Variants in AGBL1 observed in about 807,000 individuals in gnomAD.
The protein encoded by AGBL1 is AGBL carboxypeptidase 1.
Under a neutral mutation model 118.9 loss-of-function variants are expected in AGBL1, and 130 were observed. The observed-to-expected ratio is 1.09, with a 90% CI of 0.95 to 1.26. The LOEUF is 1.26. AGBL1 is among the 50% of genes most tolerant of loss of function. The probability of loss-of-function intolerance (pLI) is 0.00; values close to 1 mark genes in which losing one functional copy is unlikely to be tolerated. For missense variants in AGBL1, 1,584 were observed against 1,298.1 expected (o/e 1.22, Z -3.38); for synonymous variants, 555 against 478.9 (o/e 1.16, Z -2.08).
chr15:86,522,579 G>T (rs1254396202), intron 18 of AGBL1, among the ~76,000 whole-genome samples: 1 of 152,176 alleles, frequency 6.6e-6, no homozygotes, highest in Non-Finnish European at 1.5e-5. Context: ...TAATCTGATA[G>T]CAAGTCAAAT....
chr15:86,753,042 C>A (rs768469301), intron 22 of AGBL1, among the ~76,000 whole-genome samples: 1 of 152,076 alleles, frequency 6.6e-6, no homozygotes, highest in Non-Finnish European at 1.5e-5. Flanking sequence ...CTATTTTCTC[C>A]TCCTTGACAA....
chr15:86,535,767 A>G (rs2083417358), intron 19 of AGBL1, among the ~76,000 whole-genome samples: 1 of 152,206 alleles, frequency 6.6e-6, no homozygotes, highest in Admixed American at 6.5e-5. Flanking sequence ...TTCTTTTAAA[A>G]GAAGCACAAA....
intron 19 of AGBL1, among the ~76,000 whole-genome samples, chr15:86,527,784 G>T (rs567904653): frequency 6.6e-6 from 1 of 152,302 alleles, no homozygotes; most frequent in South Asian, 2.1e-4. Context: ...AAAGAATGTG[G>T]TACTGTGAGA....
chr15:86,215,020 G>A (rs891270804), intron 5 of AGBL1, among the ~76,000 whole-genome samples: 7 of 152,172 alleles, frequency 4.6e-5, no homozygotes, highest in Non-Finnish European at 1.0e-4. Flanking sequence ...AAATGGACGA[G>A]CTCCATCCTG....
chr15:86,490,479 G>GT (rs1160760821), intron 18 of AGBL1, among the ~76,000 whole-genome samples: 5 of 152,096 alleles, frequency 3.3e-5, no homozygotes, highest in African/African-American at 1.2e-4. Context: ...GAGATATCTG[G>GT]TTAGTTGTGG....
chr15:86,544,622 A>G (rs2083552866), intron 19 of AGBL1, among the ~76,000 whole-genome samples: 1 of 152,196 alleles, frequency 6.6e-6, no homozygotes, highest in Non-Finnish European at 1.5e-5. Context: ...TCCCCTTTAT[A>G]AAACCATCAG....
At chr15:86,212,797 A>G (rs571210415) in intron 5 of AGBL1, among the ~76,000 whole-genome samples, 2 of 152,190 alleles carry the variant, frequency 1.3e-5, no homozygotes, top group African/African-American at 2.4e-5. Context: ...TTATAGGTGT[A>G]TACCACCATG....
chr15:86,338,035 C>T (rs1420841470), intron 17 of AGBL1, among the ~76,000 whole-genome samples: 2 of 151,924 alleles, frequency 1.3e-5, no homozygotes, highest in African/African-American at 2.4e-5. Flanking sequence ...TTTGAGTTTG[C>T]AATCTAGTGA....
At chr15:86,238,041 G>A (rs995924356) in intron 6 of AGBL1, among the ~76,000 whole-genome samples, 3 of 152,064 alleles carry the variant, frequency 2.0e-5, no homozygotes, top group Non-Finnish European at 2.9e-5. Flanking sequence ...CCTTCTTGTC[G>A]CTCATGCCTC....
At position 86,616,524 on chromosome 15, in the gene AGBL1, G is replaced by C. The variant is rs2084728691; in HGVS notation, c.2995-57749G>C. Among the ~76,000 whole-genome samples the C allele has an allele frequency of 2.6e-5, 4 of 152,144 alleles. No individual in the cohort carries two copies. The South Asian group carries it at 8.3e-4, about 32-fold the overall frequency. ...AGAGGACACTGTCTTCAAAATGCCT[G>C]ATCAATGGGTAAATATAGAACTAGA... On this transcript the variant is annotated intron_variant, in intron 21 of 22. Coordinates refer to ENST00000614907, the MANE Select transcript of AGBL1 (RefSeq NM_001386094.1).
intron 17 of AGBL1, among the ~76,000 whole-genome samples, chr15:86,300,780 C>T (rs2079733123): frequency 6.6e-6 from 1 of 152,136 alleles, no homozygotes; most frequent in Admixed American, 6.6e-5. Flanking sequence ...CTTTCTTTTT[C>T]TTTTTCTTAA....
chr15:86,465,971 G>T (rs2082400726), intron 18 of AGBL1, among the ~76,000 whole-genome samples: 1 of 152,116 alleles, frequency 6.6e-6, no homozygotes, highest in South Asian at 2.1e-4. Flanking sequence ...AACCTTGCTG[G>T]TTTTGTAGCT....
chr15:86,507,930 G>C (rs1403941795), intron 18 of AGBL1, among the ~76,000 whole-genome samples: 1 of 151,802 alleles, frequency 6.6e-6, no homozygotes, highest in African/African-American at 2.4e-5. Flanking sequence ...GATTAGGGGA[G>C]CCATTTAATG....
chr15:86,693,226 G>T (rs547076121), intron 22 of AGBL1, among the ~76,000 whole-genome samples: 1 of 152,160 alleles, frequency 6.6e-6, no homozygotes, highest in African/African-American at 2.4e-5. Flanking sequence ...ATTCCCATCA[G>T]AAGTGTAAAA....
At chr15:86,815,359 C>A (rs2078843869) in intron 22 of AGBL1, among the ~76,000 whole-genome samples, 1 of 152,084 alleles carries the variant, frequency 6.6e-6, no homozygotes, top group Non-Finnish European at 1.5e-5. Context: ...TAGGGTCCAC[C>A]ACCAATTTCT....
Position 87,001,621 on chromosome 15 carries a change from C to T in AGBL1, c.3323+13533C>T, listed in dbSNP as rs934434510. On this transcript the variant is annotated intron_variant, in intron 24 of 24. Transcript: ENST00000441037. ...ACAGTGTAAAAGTGTTCCTATTTCT[C>T]CACATCCTCTCCAGCACCTGTTGTT... Among the ~76,000 whole-genome samples, 3 of 152,162 alleles carry T rather than the reference C, an allele frequency of 2.0e-5. No homozygotes were observed. In the East Asian group the frequency reaches 5.8e-4, roughly 29 times the overall value.
intron 13 of AGBL1, among the ~76,000 whole-genome samples, chr15:86,268,473 G>A (rs966101572): frequency 2.4e-4 from 36 of 152,132 alleles, no homozygotes; most frequent in African/African-American, 7.5e-4. Context: ...ATCAGGATGC[G>A]GCTAAGCTGC....
chr15:86,927,581 C>T (rs905776109), intron 23 of AGBL1, among the ~76,000 whole-genome samples: 2 of 152,092 alleles, frequency 1.3e-5, no homozygotes, highest in African/African-American at 4.8e-5. Context: ...AGCAAGACCC[C>T]ATCTTTGAAA....
At chr15:86,593,563 G>T (rs1171608932) in intron 21 of AGBL1, among the ~76,000 whole-genome samples, 1 of 152,156 alleles carries the variant, frequency 6.6e-6, no homozygotes, top group African/African-American at 2.4e-5. Flanking sequence ...GCATGATTCA[G>T]TTAATAGATA....
Sources: gnomAD v4.1 joint callset for allele counts (sites outside exome capture counted in the v4.1 genomes callset) on GRCh38, gnomAD v4.1.1 for gene constraint, MANE v1.5 for transcripts, NCBI Gene and HGNC (gene_info 2026-07-23, HGNC 2026-07-21) for gene names.